CARD9: variants seen among roughly 807,000 people sequenced by gnomAD.
CARD9 encodes the protein caspase recruitment domain-containing protein 9.
Under a neutral mutation model 66.0 loss-of-function variants are expected in CARD9, and 53 were observed. The ratio of observed to expected loss-of-function variants is 0.80; its 90% CI spans 0.64 to 1.01. The LOEUF (loss-of-function observed/expected upper bound fraction) is 1.01, where lower values mean the gene tolerates loss of function less well. Among genes scored for constraint, CARD9 ranks in the 50% least tolerant of loss-of-function variants. The pLI, the probability that CARD9 is intolerant of heterozygous loss-of-function variation, is 0.00. For synonymous variants in CARD9, 387 were observed against 313.8 expected, an observed-to-expected ratio of 1.23 and a Z score of -2.47; for missense variants, 769 against 743.2, an observed-to-expected ratio of 1.03 and a Z score of -0.40.
intron 10 of CARD9, 45 bp from the exon 11 acceptor site, chr9:136,365,262 C>T: frequency 6.3e-7 from 1 of 1,580,708 alleles, no homozygotes; most frequent in Non-Finnish European, 8.6e-7. Flanking sequence ...ATCTGCTGGG[C>T]CACGTATAGC....
intron 7 of CARD9, 181 bp from the exon 8 acceptor site, chr9:136,368,009 TA>T: frequency 7.0e-7 from 1 of 1,419,488 alleles, no homozygotes; most frequent in Non-Finnish European, 9.2e-7. Flanking sequence ...TGGGGGATTG[TA>T]AATGTGACAG....
At chr9:136,365,378 G>C (rs145929671) in intron 10 of CARD9, 161 bp from the exon 11 acceptor site, 8 of 659,722 alleles carry the variant, frequency 1.2e-5, no homozygotes, top group African/African-American at 5.4e-5. Context: ...AGATGAGACT[G>C]AGGCCTTATG....
intron 9 of CARD9, 62 bp from the exon 10 acceptor site, chr9:136,366,907 C>A (rs1304519476): frequency 5.1e-6 from 8 of 1,577,820 alleles, no homozygotes; most frequent in Middle Eastern, 1.7e-4. Context: ...CCCGGCCACA[C>A]TGCCCACCCC....
Position 136,370,717 on chromosome 9 carries a change from T to C in CARD9, c.628-16A>G, listed in dbSNP as rs1367747466. ...GCTGGTCAATCTGCAGAAGGTCCAG[T>C]GAGCCTGGCTGTCCCCTCCAGGCGG... On this transcript the variant is annotated splice_polypyrimidine_tract_variant and intron_variant, in intron 4 of 12. Coordinates refer to ENST00000371732, the MANE Select transcript of CARD9 (RefSeq NM_052813.5). The C allele has an allele frequency of 6.2e-7, 1 of 1,612,544 alleles. No homozygotes were observed. Among genetic ancestry groups the C allele is most frequent in the Non-Finnish European group, 8.5e-7 (1 of 1,179,856 alleles).
In CARD9 at chr9:136,371,378, G is replaced by A. The variant is rs1378882558; in HGVS notation, c.268C>T (p.Leu90=). 6.3e-7 allele frequency: 1 copy of A among 1,599,574 alleles called. No homozygotes were observed. The highest frequency in any genetic ancestry group is 8.5e-7 in the Non-Finnish European group (1 of 1,173,432). The change falls in exon 3 of 13, where the codon CTG becomes TTG. Residue 90 remains leucine (L), a synonymous_variant. Transcript: ENST00000371732. The stretch of plus-strand genomic sequence containing the variant: ...TCCTTGCCTGTGACCTTCTTGTACA[G>A]CTGCGGGTAGTAGAGCTCCAGGCTC... ...LESLELYYPQ[L]YKKVTGKEPA...
chr9:136,371,390 A>G lies in CARD9; in HGVS notation c.256T>C (p.Tyr86His). 1.3e-6 allele frequency: 2 copies of G among 1,597,664 alleles called. No individual in the cohort carries two copies. Among genetic ancestry groups the G allele is most frequent in the Non-Finnish European group, 1.7e-6 (2 of 1,172,408 alleles). ...YVAFLESLEL[Y>H]YPQLYKKVTG... ...ACCTTCTTGTACAGCTGCGGGTAGTAGAGCTCCAGGCTCTCGAGGAAGGCC... is the reference window on the plus strand; with the variant it reads ...ACCTTCTTGTACAGCTGCGGGTAGTGGAGCTCCAGGCTCTCGAGGAAGGCC... Residue 86 changes from tyrosine to histidine, a missense_variant, in exon 3 of 13, where the codon TAC becomes CAC. Coordinates refer to ENST00000371732, the MANE Select transcript of CARD9 (RefSeq NM_052813.5).
At chr9:136,373,221 C>T (rs529016142) in intron 1 of CARD9, among the ~76,000 whole-genome samples, 2 of 152,344 alleles carry the variant, frequency 1.3e-5, no homozygotes, top group South Asian at 4.1e-4. Flanking sequence ...ACTTTGTCAC[C>T]CCATTCAGGA....
At chr9:136,372,321 G>A (rs896997376) in intron 1 of CARD9, among the ~76,000 whole-genome samples, 1 of 152,210 alleles carries the variant, frequency 6.6e-6, no homozygotes, top group African/African-American at 2.4e-5. Context: ...GACCAGCCGA[G>A]GGCCCCTCCG....
rs931686923 is a variant in CARD9, at chr9:136,371,947, A to G, written c.132T>C (p.Asp44=). 4 of 1,610,262 alleles carry G rather than the reference A, an allele frequency of 2.5e-6. No homozygotes were observed. In the African/African-American group the frequency reaches 5.3e-5, roughly 22 times the overall value. ...TGGGGTCGCTGAGCACCTGCTCCTC[A>G]TCATCGGGGTTCAGGACCTTGCACT... ...LRQCKVLNPD[D]EEQVLSDPNL... Residue 44 remains aspartate, a synonymous_variant, in exon 2 of 13, where the codon GAT becomes GAC. Transcript: ENST00000371732.
rs1381739772 is a variant in CARD9, at chr9:136,364,354, TC to T, written c.1558del (p.Glu520ArgfsTer63). On this transcript the variant is annotated frameshift_variant, in exon 13 of 13. Coordinates refer to ENST00000371732, the MANE Select transcript of CARD9 (RefSeq NM_052813.5). LOFTEE classifies it high-confidence loss of function. ...GCTGCCCGTGGTGTTCTCCCGGTCC[TC>T]CTCCCCCTGCCGCCATCCTTTCTGC... is the stretch of plus-strand genomic sequence containing the variant. ...KMQKGWRQGE[E>X]DRENTTGSDN... 4 of 1,570,212 alleles carry T rather than the reference TC, an allele frequency of 2.5e-6. No homozygotes were observed. Among genetic ancestry groups the T allele is most frequent in the East Asian group, 4.7e-5 (2 of 42,954 alleles).
chr9:136,364,682 C>A (rs1183086957), intron 11 of CARD9, 123 bp from the exon 12 acceptor site: 1 of 947,212 alleles, frequency 1.1e-6, no homozygotes, highest in Non-Finnish European at 1.5e-6. Context: ...CAGACAGCCT[C>A]AGCTCAGCGC....
chr9:136,367,332 G>C (rs1282922449), intron 8 of CARD9, 75 bp from the exon 9 acceptor site: 2 of 1,522,210 alleles, frequency 1.3e-6, no homozygotes, highest in East Asian at 2.3e-5. Context: ...GCAGGGCACA[G>C]AGCGGGATCC....
intron 1 of CARD9, among the ~76,000 whole-genome samples, 165 bp from the exon 2 acceptor site, chr9:136,372,259 C>T (rs975973228): frequency 2.0e-5 from 3 of 152,190 alleles, no homozygotes; most frequent in Non-Finnish European, 4.4e-5. Context: ...CCCATCCCCA[C>T]GCTGGATCCC....
chr9:136,365,498 C>T (rs543913458), intron 10 of CARD9: 4 of 542,178 alleles, frequency 7.4e-6, no homozygotes, highest in Admixed American at 3.2e-5. Context: ...CAGGGAGGAA[C>T]GCCTCCCAGA....
rs994352573 is a variant in CARD9 at position 136,373,610 on chromosome 9, G to A, written c.-95C>T. The A allele has an allele frequency of 8.5e-5, 84 of 984,200 alleles. No homozygotes were observed. The highest frequency in any genetic ancestry group is 1.9e-4 in the South Asian group (4 of 21,276). The allele number at this position is 984,200 out of a possible 1,614,324, so 61.0% of individuals were successfully genotyped here. A position where few individuals can be genotyped will look rare whatever the true frequency, so the allele number is the denominator to read the frequency against. On this transcript the variant is annotated 5_prime_UTR_variant, in exon 1 of 13. Coordinates refer to ENST00000371732, the MANE Select transcript of CARD9 (RefSeq NM_052813.5). ...GCGGAGCCTCTGGGAGATGCTGCCCGGGGCTGCAGGGAGGGAGGAGCACGC... is the reference window on the plus strand; with the variant it reads ...GCGGAGCCTCTGGGAGATGCTGCCCAGGGCTGCAGGGAGGGAGGAGCACGC...
intron 8 of CARD9, 178 bp downstream of exon 8, chr9:136,367,459 C>G: frequency 2.1e-6 from 2 of 942,742 alleles, no homozygotes; most frequent in South Asian, 3.2e-5. Context: ...AGCCCCACTT[C>G]CTGCTGGGAC....
chr9:136,369,987 G>A (rs1287023609), intron 6 of CARD9, 112 bp from the exon 7 acceptor site: 10 of 1,552,430 alleles, frequency 6.4e-6, no homozygotes, highest in African/African-American at 5.4e-5. Flanking sequence ...TTGGGATGTC[G>A]GGGGAGGCCA....
At chr9:136,372,292 G>C (rs1455684556) in intron 1 of CARD9, among the ~76,000 whole-genome samples, 198 bp from the exon 2 acceptor site, 2 of 152,174 alleles carry the variant, frequency 1.3e-5, no homozygotes, top group African/African-American at 2.4e-5. Context: ...CAGAGACACA[G>C]TGACCCCGCT....
Position 136,367,805 on chromosome 9 carries a change from C to T in CARD9, c.1101G>A (p.Leu367=), listed in dbSNP as rs566481759. 43 of 1,601,674 alleles carry T rather than the reference C, an allele frequency of 2.7e-5. 1 individual carries two copies. In the South Asian group the frequency reaches 4.7e-4, roughly 18 times the overall value. The change falls in exon 8 of 13, where the codon CTG becomes CTA. Residue 367 remains leucine, a synonymous_variant. Transcript: ENST00000371732. The part of the protein sequence containing the change: ...RDQAIATREE[L]HAQHARGLQE... ...GCAGGCCCCGGGCGTGCTGTGCGTG[C>T]AGCTCCTCCCGCGTGGCTATGGCCT... is the stretch of plus-strand genomic sequence containing the variant.
Sources: gnomAD v4.1 joint callset for allele counts (sites outside exome capture counted in the v4.1 genomes callset) on GRCh38, gnomAD v4.1.1 for gene constraint, MANE v1.5 for transcripts, NCBI Gene and HGNC (gene_info 2026-07-23, HGNC 2026-07-21) for gene names.